VPS13C: variants seen among roughly 807,000 people sequenced by gnomAD.
VPS13C encodes the protein vacuolar protein sorting 13 homolog C.
A neutral mutation model predicts 456.8 loss-of-function variants in VPS13C; 358 were observed. The observed-to-expected ratio is 0.78, with a 90% confidence interval of 0.72 to 0.86. The LOEUF is 0.86. Among genes scored for constraint, VPS13C ranks in the 40% least tolerant of loss-of-function variants. VPS13C has a pLI of 0.00. For missense variants in VPS13C, 4,818 were observed against 4,385.4 expected (o/e 1.10, Z -2.79); for synonymous variants, 1,578 against 1,486.7 (o/e 1.06, Z -1.41).
At position 61,940,783 on chromosome 15, in the gene VPS13C, T is replaced by C. The variant is rs770011452; in HGVS notation, c.5465A>G (p.Gln1822Arg). 6.2e-7 allele frequency: 1 copy of C among 1,608,518 alleles called. No individual in the cohort carries two copies. The highest frequency in any genetic ancestry group is 8.5e-7 in the Non-Finnish European group (1 of 1,178,034). ...AATGTCATTTTGTGGCAAGCTAGCC[T>C]GCAAAATAGTTCTGAAAGAAAAACA... ...TQLKLSRTIL[Q>R]ASLPQNDIEI... The change falls in exon 47 of 85, where the codon CAG (glutamine) becomes CGG (arginine). Residue 1822 changes from glutamine to arginine, a missense_variant. Physicochemically the swap from Gln to Arg is conservative, Grantham distance 43. This residue lies in a region of VPS13C where 4,552 missense variants were observed against 4,130.6 expected (regional missense o/e 1.10). Coordinates refer to ENST00000644861, the MANE Select transcript of VPS13C (RefSeq NM_020821.3).
chr15:61,854,771 T>C (rs1414024252), intron 84 of VPS13C, 100 bp downstream of exon 84: 22 of 1,168,548 alleles, frequency 1.9e-5, no homozygotes, highest in Admixed American at 7.6e-5. Context: ...ATAGTTATAT[T>C]TGGGAGAGCT....
rs1304694756 is a variant in VPS13C at position 61,854,080 on chromosome 15, A to G, written c.*377T>C. On this transcript the variant is annotated 3_prime_UTR_variant, in exon 85 of 85. Transcript: ENST00000644861. ...ACCCCAAAAAAACAAAAATAAAAAA[A>G]CCTTTCAAAGAACACTAGTCATTCT... 5.4e-6 allele frequency: 1 copy of G among 184,734 alleles called. No homozygotes were observed. The highest frequency in any genetic ancestry group is 2.4e-5 in the African/African-American group (1 of 42,402). The allele number at this position is 184,734 out of a possible 1,614,324, so 11.4% of individuals were successfully genotyped here.
intron 63 of VPS13C, among the ~76,000 whole-genome samples, chr15:61,911,144 T>C (rs2043290994): frequency 6.6e-6 from 1 of 152,188 alleles, no homozygotes; most frequent in Admixed American, 6.5e-5. Flanking sequence ...GTCAGCTGGT[T>C]TGGTTGAAAA....
chr15:61,878,497 AGTAAAGTTATCCTTTTCCTAAGC>A, intron 74 of VPS13C, 87 bp downstream of exon 74: 1 of 1,385,300 alleles, frequency 7.2e-7, no homozygotes, highest in Non-Finnish European at 9.7e-7. Flanking sequence ...AAATATAAGT[AGTAAAGTTATCCTTTTCCTAAGC>A]TAACATTGCA....
chr15:61,974,282 A>G lies in VPS13C; in HGVS notation c.2538+6T>C, dbSNP rs2045639312. 6.2e-7 allele frequency: 1 copy of G among 1,609,478 alleles called. No homozygotes were observed. On this transcript the variant is annotated splice_donor_region_variant and intron_variant, in intron 25 of 84. Coordinates refer to ENST00000644861, the MANE Select transcript of VPS13C (RefSeq NM_020821.3). ...TAGGGTTATACATTTTATTGTATCTATTTACCTGTCTCTCTGGAGACTGGG... is the reference window on the plus strand; with the variant it reads ...TAGGGTTATACATTTTATTGTATCTGTTTACCTGTCTCTCTGGAGACTGGG...
intron 38 of VPS13C, among the ~76,000 whole-genome samples, chr15:61,954,175 T>C (rs1596377432): frequency 6.6e-6 from 1 of 152,296 alleles, no homozygotes; most frequent in East Asian, 1.9e-4. Context: ...CCAAAGCAAG[T>C]GACATTCCAA....
chr15:61,894,990 A>C (rs2042764302), intron 66 of VPS13C, among the ~76,000 whole-genome samples: 1 of 152,122 alleles, frequency 6.6e-6, no homozygotes, highest in Admixed American at 6.5e-5. Flanking sequence ...AGTCTCAAAA[A>C]ATTCAAAAAA....
rs1218453708 is a variant in VPS13C, at chr15:61,947,207, T to A, written c.4862A>T (p.Asp1621Val). Residue 1621 changes from aspartate (D) to valine (V), a missense_variant, in exon 43 of 85, where the codon GAT (aspartate) becomes GTT (valine). Transcript: ENST00000644861. ...TAACTACTTACCATGTATTTTAATA[T>A]CTGCAATGTTACACTTCTGATCACA... ...FVCDQKCNIA[D>V]IKIHGMDASI... is the part of the protein sequence containing the mutation. The A allele has an allele frequency of 1.9e-6, 3 of 1,581,910 alleles. No individual in the cohort carries two copies. In the South Asian group the frequency reaches 3.5e-5, roughly 19 times the overall value.
intron 27 of VPS13C, among the ~76,000 whole-genome samples, chr15:61,970,985 T>G (rs1484539297): frequency 1.3e-5 from 2 of 152,020 alleles, no homozygotes; most frequent in East Asian, 3.9e-4. Flanking sequence ...GTAAGCTCCA[T>G]GCGGCAAGAA....
intron 67 of VPS13C, among the ~76,000 whole-genome samples, chr15:61,886,289 G>T (rs1007694916): frequency 2.0e-5 from 3 of 152,054 alleles, no homozygotes; most frequent in Admixed American, 6.6e-5. Context: ...GCTTTCCTGT[G>T]ATTTGAAAAT....
chr15:61,987,345 G>C (rs2046086872), intron 18 of VPS13C, among the ~76,000 whole-genome samples: 1 of 152,118 alleles, frequency 6.6e-6, no homozygotes, highest in African/African-American at 2.4e-5. Context: ...ATCAAAGTAA[G>C]AGGTTTAATG....
intron 73 of VPS13C, 55 bp downstream of exon 73, chr15:61,880,554 T>C: frequency 7.8e-7 from 1 of 1,283,038 alleles, no homozygotes; most frequent in Non-Finnish European, 1.1e-6. Flanking sequence ...CACAGACCCT[T>C]TAAAAAGTTC....
chr15:61,931,722 G>A (rs980702108), intron 49 of VPS13C, among the ~76,000 whole-genome samples: 3 of 151,464 alleles, frequency 2.0e-5, no homozygotes, highest in Non-Finnish European at 2.9e-5. Context: ...GATTACAGGC[G>A]CCCACCACCA....
intron 16 of VPS13C, among the ~76,000 whole-genome samples, chr15:61,996,731 A>G (rs1410131391): frequency 6.6e-6 from 1 of 151,942 alleles, no homozygotes; most frequent in Non-Finnish European, 1.5e-5. Flanking sequence ...AACTCCCAGG[A>G]TGGGTTCAAT....
intron 69 of VPS13C, 136 bp downstream of exon 69, chr15:61,882,460 T>C (rs867115529): frequency 1.1e-5 from 10 of 900,210 alleles, no homozygotes; most frequent in South Asian, 4.6e-5. Context: ...ACAGGATATG[T>C]GGAAAAAGGG....
chr15:61,919,303 G>T lies in VPS13C; in HGVS notation c.7624C>A (p.Arg2542Ser), dbSNP rs114415141. 1.9e-6 allele frequency: 3 copies of T among 1,597,602 alleles called. No individual in the cohort carries two copies. Among genetic ancestry groups the T allele is most frequent in the South Asian group, 1.1e-5 (1 of 87,634 alleles). Residue 2542 changes from arginine (R) to serine (S), a missense_variant, in exon 58 of 85, where the codon CGC (arginine) becomes AGC (serine). Transcript: ENST00000644861. Reference sequence around the variant, plus strand: ...TGAAGTATTACCTGTAGAGGAGAGCGAAGGGTAATTACTTTATTCCCTTCA... The same window carrying T: ...TGAAGTATTACCTGTAGAGGAGAGCTAAGGGTAATTACTTTATTCCCTTCA... ...ATEGNKVITL[R>S]SPLQIKNHFS... is the part of the protein sequence containing the mutation.
intron 14 of VPS13C, 39 bp downstream of exon 14, chr15:62,008,616 A>T (rs1243561452): frequency 6.9e-7 from 1 of 1,441,528 alleles, no homozygotes; most frequent in South Asian, 1.3e-5. Context: ...ATATATGATT[A>T]TATGTTCCTC....
At chr15:61,882,450 A>G in intron 69 of VPS13C, 146 bp downstream of exon 69, 2 of 793,706 alleles carry the variant, frequency 2.5e-6, no homozygotes, top group African/African-American at 3.6e-5. Context: ...TGTTAAATAA[A>G]CAGGATATGT....
intron 41 of VPS13C, 75 bp from the exon 42 acceptor site, chr15:61,949,680 G>A: frequency 2.8e-6 from 4 of 1,440,332 alleles, no homozygotes; most frequent in African/African-American, 1.5e-5. Context: ...ACAGATATAA[G>A]TAGCACAAGA....
Sources: allele counts gnomAD v4.1 joint callset (sites outside exome capture counted in the v4.1 genomes callset), GRCh38; gene constraint gnomAD v4.1.1; regional missense constraint gnomAD v4.1.1; transcripts MANE v1.5; gene names NCBI Gene and HGNC (gene_info 2026-07-23, HGNC 2026-07-21).